Variants in TNRC18 observed in about 807,000 individuals in gnomAD.
The protein encoded by TNRC18 is trinucleotide repeat-containing gene 18 protein.
A neutral mutation model predicts 226.7 loss-of-function variants in TNRC18; 69 were observed. The observed-to-expected ratio is 0.30, with a 90% CI of 0.25 to 0.37. The LOEUF is 0.37. Ranked by LOEUF, TNRC18 falls within the 10% of genes least tolerant of loss-of-function variation. The pLI, the probability that TNRC18 is intolerant of heterozygous loss-of-function variation, is 1.00. For missense variants in TNRC18, 4,754 were observed against 4,256.6 expected (o/e 1.12, Z -3.25); for synonymous variants, 2,449 against 1,927.6 (o/e 1.27, Z -7.09).
rs902276574 is a variant in TNRC18 at position 5,388,587 on chromosome 7, G to A, written c.1237C>T (p.Pro413Ser). The change falls in exon 5 of 30, where the codon CCC becomes TCC. Residue 413 changes from proline (P) to serine (S), a missense_variant. By Grantham distance (74) the Pro-to-Ser change is moderately conservative. Transcript: ENST00000430969. ...EAGRPGVLQA[P>S]PGSPRPLDRP... is the part of the protein sequence containing the mutation. ...TCCAGAGGCCGCGGGGAGCCGGGGG[G>A]CGCCTGCAGGACCCCTGGCCTGCCA... The A allele has an allele frequency of 1.5e-5, 20 of 1,299,876 alleles. No individual in the cohort carries two copies. The highest frequency in any genetic ancestry group is 1.3e-4 in the African/African-American group (8 of 62,924). 80.5% of individuals were successfully genotyped at this position (1,299,876 alleles called of 1,614,324 possible). A position where few individuals can be genotyped will look rare whatever the true frequency, so the allele number is the denominator to read the frequency against.
intron 21 of TNRC18, 83 bp from the exon 22 acceptor site, chr7:5,321,273 C>A: frequency 1.9e-6 from 2 of 1,046,454 alleles, no homozygotes; most frequent in Non-Finnish European, 2.8e-6. Context: ...CCCAAGTCAT[C>A]CCCTTGGAAT....
intron 18 of TNRC18, 45 bp downstream of exon 18, chr7:5,345,517 G>GCTCCCCCCCCCC: frequency 2.6e-6 from 1 of 377,744 alleles, no homozygotes; most frequent in Non-Finnish European, 4.8e-6. Flanking sequence ...AATGGCGTCC[G>GCTCCCCCCCCCC]CCCCTCCCAC....
At chr7:5,336,031 A>C (rs1790077359) in intron 18 of TNRC18, among the ~76,000 whole-genome samples, 1 of 151,856 alleles carries the variant, frequency 6.6e-6, no homozygotes, top group Admixed American at 6.6e-5. Context: ...ACATGGCAAA[A>C]CCCCATCTCT....
chr7:5,410,860 CAAAAAAAAAA>C (rs34320785), intron 2 of TNRC18, among the ~76,000 whole-genome samples: 4 of 37,174 alleles, frequency 1.1e-4, no homozygotes, highest in Admixed American at 3.3e-4. Context: ...GACTCCATCT[CAAAAAAAAAA>C]AAAAAAAAAA....
At chr7:5,317,551 A>AC (rs2128109489) in intron 24 of TNRC18, among the ~76,000 whole-genome samples, 1 of 152,222 alleles carries the variant, frequency 6.6e-6, no homozygotes, top group African/African-American at 2.4e-5. Context: ...AAATCACTGC[A>AC]CCGCACTCTG....
Position 5,325,230 on chromosome 7 carries a change from C to T in TNRC18, c.6166G>A (p.Ala2056Thr), listed in dbSNP as rs368867399. The change falls in exon 20 of 30, where the codon GCT becomes ACT. Residue 2056 changes from alanine to threonine, a missense_variant. Transcript: ENST00000430969. ...DPRKKKKGKE[A>T]GPGAGLPPPR... ...GGCGGCAGCCCAGCTCCTGGCCCAGCCTCTTTCCCTTTCTTCTTCTGGAGG... is the reference window on the plus strand; with the variant it reads ...GGCGGCAGCCCAGCTCCTGGCCCAGTCTCTTTCCCTTTCTTCTTCTGGAGG... 1 of 1,553,360 alleles carries T rather than the reference C, an allele frequency of 6.4e-7. No individual in the cohort carries two copies. Among genetic ancestry groups the T allele is most frequent in the Non-Finnish European group, 8.7e-7 (1 of 1,153,320 alleles).
At chr7:5,348,776 G>T (rs1791476092) in intron 17 of TNRC18, among the ~76,000 whole-genome samples, 1 of 152,154 alleles carries the variant, frequency 6.6e-6, no homozygotes, top group African/African-American at 2.4e-5. Context: ...CAGGCAGGCG[G>T]GGGCAGGCAG....
At position 5,392,229 on chromosome 7, in the gene TNRC18, C is replaced by T. The variant is rs777054170; in HGVS notation, c.344-1601G>A. On this transcript the variant is annotated intron_variant, in intron 3 of 29. Coordinates refer to ENST00000430969, the MANE Select transcript of TNRC18 (RefSeq NM_001080495.3). ...CTGTAATCCCAGCATTTTGGGAGGC[C>T]GAGTTGGGTGGATCACGAGGTCAGG... Among the ~76,000 whole-genome samples, 164 of 151,894 alleles carry T rather than the reference C, an allele frequency of 1.1e-3. 1 individual carries two copies. The highest frequency in any genetic ancestry group is 1.3e-3 in the Admixed American group (20 of 15,222).
At position 5,351,983 on chromosome 7, in the gene TNRC18, C is replaced by T; in HGVS notation, c.5306G>A (p.Ser1769Asn). 6.2e-7 allele frequency: 1 copy of T among 1,613,980 alleles called. No homozygotes were observed. Among genetic ancestry groups the T allele is most frequent in the East Asian group, 2.2e-5 (1 of 44,870 alleles). The change falls in exon 17 of 30, where the codon AGC becomes AAC. Residue 1769 changes from serine (S) to asparagine (N), a missense_variant. Transcript: ENST00000430969. ...SLLCSMVAKNSKAAGGPKLTK... is the reference protein window; with the variant it reads ...SLLCSMVAKNNKAAGGPKLTK... ...CAGCTTGGGGCCACCAGCTGCCTTG[C>T]TGTTCTTTGCCACCATGCTACACAG...
intron 19 of TNRC18, among the ~76,000 whole-genome samples, chr7:5,327,738 T>G (rs1247686656): frequency 1.3e-5 from 2 of 152,068 alleles, no homozygotes; most frequent in African/African-American, 2.4e-5. Context: ...CTTCCCCTAC[T>G]TTTTTGTAAA....
At chr7:5,361,876 G>A (rs763742113) in intron 13 of TNRC18, 21 bp downstream of exon 13, 85 of 1,531,524 alleles carry the variant, frequency 5.6e-5, no homozygotes, top group Non-Finnish European at 7.2e-5. Context: ...GCCCCACGGG[G>A]CGGGCGGGGG....
chr7:5,342,522 G>A (rs537767094), intron 18 of TNRC18, among the ~76,000 whole-genome samples: 5 of 152,322 alleles, frequency 3.3e-5, no homozygotes, highest in Non-Finnish European at 5.9e-5. Context: ...TACTGCAGAC[G>A]TGGTGGAAAC....
chr7:5,313,425 G>A lies in TNRC18; in HGVS notation c.7466C>T (p.Ala2489Val), dbSNP rs764519698. Reference protein sequence around the residue: ...EALLLREDPGAGGWQEPKSLL... With the variant: ...EALLLREDPGVGGWQEPKSLL... ...GCTCTTGGGCTCCTGCCAGCCCCCC[G>A]CCCCCGGATCCTCCCGGAGCAGCAG... Residue 2489 changes from alanine (A) to valine (V), a missense_variant, in exon 27 of 30, where the codon GCG (alanine) becomes GTG (valine). Transcript: ENST00000430969. 20 of 1,607,066 alleles carry A rather than the reference G, an allele frequency of 1.2e-5. No homozygotes were observed. Among genetic ancestry groups the A allele is most frequent in the South Asian group, 3.3e-5 (3 of 90,190 alleles).
Position 5,314,563 on chromosome 7 carries a change from CTTTTTTTTT to C in TNRC18, c.7027+412_7027+420del, listed in dbSNP as rs67183154. Among the ~76,000 whole-genome samples, 132 of 79,702 alleles carry C rather than the reference CTTTTTTTTT, an allele frequency of 1.7e-3. 1 individual carries two copies. The East Asian group carries it at 0.045, about 27-fold the overall frequency. 52.3% of individuals were successfully genotyped at this position (79,702 alleles called of 152,430 possible). A position where few individuals can be genotyped will look rare whatever the true frequency, so the allele number is the denominator to read the frequency against. Reference sequence around the variant, plus strand: ...TGCAGTGCAGGTGCAGAGTTCTCTTCTTTTTTTTTTTTTTTTTTTTTTTTTTGAGATGGA... The same window carrying C: ...TGCAGTGCAGGTGCAGAGTTCTCTTCTTTTTTTTTTTTTTTTTGAGATGGA... On this transcript the variant is annotated intron_variant, in intron 26 of 29. Transcript: ENST00000430969.
chr7:5,371,183 G>A lies in TNRC18; in HGVS notation c.3411C>T (p.Pro1137=), dbSNP rs114987874. 62 of 1,606,120 alleles carry A rather than the reference G, an allele frequency of 3.9e-5. 1 individual carries two copies. In the Admixed American group the frequency reaches 8.4e-4, roughly 22 times the overall value. The part of the protein sequence containing the change: ...SPEDKPIRLS[P]SKITEPLREG... ...CCCGCAGCGGCTCTGTGATCTTGGA[G>A]GGGGACAAGCGGATGGGCTTGTCTT... Residue 1137 remains proline, a synonymous_variant, in exon 11 of 30, where the codon CCC becomes CCT. Transcript: ENST00000430969.
chr7:5,363,471 G>A (rs184279330), intron 11 of TNRC18, among the ~76,000 whole-genome samples: 7 of 152,302 alleles, frequency 4.6e-5, no homozygotes, highest in Non-Finnish European at 8.8e-5. Flanking sequence ...GGGTGTGGTG[G>A]CGGGCGCCTG....
At chr7:5,308,694 C>G (rs1009638560) in intron 29 of TNRC18, among the ~76,000 whole-genome samples, 181 bp downstream of exon 29, 2 of 152,142 alleles carry the variant, frequency 1.3e-5, no homozygotes, top group Non-Finnish European at 2.9e-5. Context: ...CAGAGACAGA[C>G]GCACAGACCA....
intron 2 of TNRC18, among the ~76,000 whole-genome samples, chr7:5,403,950 T>C (rs905089321): frequency 6.6e-6 from 1 of 152,192 alleles, no homozygotes; most frequent in African/African-American, 2.4e-5. Flanking sequence ...CTAAAAATCC[T>C]GCAAGGACCC....
At chr7:5,384,591 G>C (rs1779627464) in intron 5 of TNRC18, among the ~76,000 whole-genome samples, 2 of 151,886 alleles carry the variant, frequency 1.3e-5, no homozygotes, top group African/African-American at 2.4e-5. Flanking sequence ...ATCTCAGATG[G>C]ACTCCAGTGA....
Sources: allele counts gnomAD v4.1 joint callset (sites outside exome capture counted in the v4.1 genomes callset), GRCh38; gene constraint gnomAD v4.1.1; transcripts MANE v1.5; gene names NCBI Gene and HGNC (gene_info 2026-07-23, HGNC 2026-07-21).